The following FERMT2 variants were observed in gnomAD, a reference collection of about 807,000 sequenced individuals.
FERMT2 encodes fermitin family homolog 2.
A neutral mutation model predicts 82.7 loss-of-function variants in FERMT2; 15 were observed. That is an observed-to-expected ratio of 0.18 (90% CI 0.12 to 0.28). The LOEUF (loss-of-function observed/expected upper bound fraction) is 0.28. Ranked by LOEUF, FERMT2 falls within the 10% of genes least tolerant of loss-of-function variation. The probability of loss-of-function intolerance (pLI) is 1.00; values close to 1 mark genes in which losing one functional copy is unlikely to be tolerated. For missense variants in FERMT2, 645 were observed against 809.4 expected (o/e 0.80, Z 2.46); for synonymous variants, 274 against 271.5 (o/e 1.01, Z -0.09).
intron 10 of FERMT2, among the ~76,000 whole-genome samples, chr14:52,867,482 G>C (rs1272651926): frequency 6.8e-6 from 1 of 146,680 alleles, no homozygotes; most frequent in Non-Finnish European, 1.5e-5. Context: ...TTTTTTTTTT[G>C]TTTCCTTTGC....
chr14:52,896,196 G>A (rs537617966), intron 3 of FERMT2, among the ~76,000 whole-genome samples: 1 of 152,268 alleles, frequency 6.6e-6, no homozygotes, highest in South Asian at 2.1e-4. Flanking sequence ...CCAAAATATT[G>A]TTATGCAGCA....
chr14:52,866,488 A>T (rs560298074), intron 10 of FERMT2, among the ~76,000 whole-genome samples: 2 of 152,302 alleles, frequency 1.3e-5, no homozygotes, highest in East Asian at 3.9e-4. Flanking sequence ...CTGTCTTCAC[A>T]TTATACATTC....
At chr14:52,885,434 G>C (rs150038372) in intron 4 of FERMT2, among the ~76,000 whole-genome samples, 17 of 152,028 alleles carry the variant, frequency 1.1e-4, no homozygotes, top group Non-Finnish European at 2.4e-4. Context: ...CAGAGGGTAT[G>C]GGTATTTTAA....
chr14:52,948,834 C>T (rs1890481490), intron 2 of FERMT2, among the ~76,000 whole-genome samples: 1 of 152,138 alleles, frequency 6.6e-6, no homozygotes. Context: ...AAAAATATCT[C>T]CTATTGAGAC....
intron 10 of FERMT2, among the ~76,000 whole-genome samples, chr14:52,868,608 C>A (rs1885431767): frequency 6.6e-6 from 1 of 152,100 alleles, no homozygotes; most frequent in Non-Finnish European, 1.5e-5. Context: ...CATTTTAGAT[C>A]TCTATGAAGC....
chr14:52,906,026 A>T (rs780770876), intron 3 of FERMT2, among the ~76,000 whole-genome samples: 1 of 152,232 alleles, frequency 6.6e-6, no homozygotes, highest in Non-Finnish European at 1.5e-5. Flanking sequence ...ACTTTCAGAC[A>T]TTAGGCAACA....
At chr14:52,923,120 T>C (rs1277558611) in intron 2 of FERMT2, among the ~76,000 whole-genome samples, 2 of 152,166 alleles carry the variant, frequency 1.3e-5, no homozygotes, top group African/African-American at 4.8e-5. Context: ...ATTATTAATC[T>C]TATGGGACCA....
Position 52,864,919 on chromosome 14 carries a change from C to G in FERMT2, c.1274-66G>C, listed in dbSNP as rs878986886. The G allele has an allele frequency of 7.5e-5, 70 of 928,168 alleles. No homozygotes were observed. In the South Asian group the frequency reaches 9.5e-4, roughly 13 times the overall value. 57.5% of individuals were successfully genotyped at this position (928,168 alleles called of 1,614,324 possible). On this transcript the variant is annotated intron_variant, in intron 10 of 14. Transcript: ENST00000341590. ...TTAAGAAATCTCAAGTCAATACAAGCAGCCCTCATTCTGTGGCATCTTAAC... is the reference window on the plus strand; with the variant it reads ...TTAAGAAATCTCAAGTCAATACAAGGAGCCCTCATTCTGTGGCATCTTAAC...
chr14:52,893,299 C>T lies in FERMT2; in HGVS notation c.520G>A (p.Gly174Arg). Residue 174 changes from glycine to arginine, a missense_variant, in exon 4 of 15, where the codon GGA becomes AGA. Gly to Arg is a moderately radical substitution (Grantham distance 125, BLOSUM62 -2). Transcript: ENST00000341590. Reference protein sequence around the residue: ...LELEGPLITPGSGSIYSSPGL... With the variant: ...LELEGPLITPRSGSIYSSPGL... ...TGCTTGGTAAAAGTCTTACCTGATC[C>T]AGGAGTGATAAGAGGCCCCTCTAAT... 2 of 1,604,674 alleles carry T rather than the reference C, an allele frequency of 1.2e-6. No homozygotes were observed. The highest frequency in any genetic ancestry group is 1.7e-6 in the Non-Finnish European group (2 of 1,177,558).
chr14:52,933,666 C>T (rs917549485), intron 2 of FERMT2, among the ~76,000 whole-genome samples: 19 of 135,302 alleles, frequency 1.4e-4, no homozygotes, highest in Admixed American at 6.1e-4. Flanking sequence ...GCCGAGATCA[C>T]GCCATTGCAC....
chr14:52,880,959 A>T, intron 6 of FERMT2, 77 bp downstream of exon 6: 1 of 889,360 alleles, frequency 1.1e-6, no homozygotes, highest in Non-Finnish European at 1.7e-6. Flanking sequence ...TATTCCACCG[A>T]CTTCCAAAAA....
At chr14:52,887,117 C>T (rs1594950335) in intron 4 of FERMT2, among the ~76,000 whole-genome samples, 1 of 150,718 alleles carries the variant, frequency 6.6e-6, no homozygotes, top group East Asian at 1.9e-4. Flanking sequence ...TGTTTTGAGG[C>T]TAGGTGCAGT....
intron 3 of FERMT2, among the ~76,000 whole-genome samples, chr14:52,900,559 G>A (rs1315025612): frequency 6.6e-6 from 1 of 151,842 alleles, no homozygotes; most frequent in Non-Finnish European, 1.5e-5. Flanking sequence ...AAGAAAATAT[G>A]GGATAAGAAA....
At chr14:52,943,782 C>G (rs1413298787) in intron 2 of FERMT2, among the ~76,000 whole-genome samples, 1 of 152,194 alleles carries the variant, frequency 6.6e-6, no homozygotes, top group African/African-American at 2.4e-5. Flanking sequence ...GCAGTGTTCA[C>G]TCAATTACTC....
At chr14:52,892,631 G>C (rs1020947407) in intron 4 of FERMT2, among the ~76,000 whole-genome samples, 12 of 150,786 alleles carry the variant, frequency 8.0e-5, no homozygotes, top group Middle Eastern at 3.2e-3. Flanking sequence ...ATTTTTTTTG[G>C]TATTTTTAGT....
chr14:52,944,055 C>G (rs1370097722), intron 2 of FERMT2, among the ~76,000 whole-genome samples: 1 of 152,150 alleles, frequency 6.6e-6, no homozygotes, highest in Non-Finnish European at 1.5e-5. Context: ...AGCACATACT[C>G]TAAGGAATAG....
At chr14:52,861,008 ACTTACCAAATCT>A (rs1884893583) in intron 12 of FERMT2, 1 of 1,523,828 alleles carries the variant, frequency 6.6e-7, no homozygotes, top group Non-Finnish European at 8.8e-7. Context: ...AATATGGAGA[ACTTACCAAATCT>A]CTTATATAGC....
intron 14 of FERMT2, chr14:52,859,287 G>T: frequency 3.6e-6 from 1 of 281,680 alleles, no homozygotes; most frequent in Non-Finnish European, 6.6e-6. Context: ...CACAGGGTAG[G>T]CATTCAACAA....
intron 2 of FERMT2, chr14:52,928,008 C>G (rs1434905282): frequency 2.6e-6 from 1 of 385,192 alleles, no homozygotes; most frequent in African/African-American, 2.1e-5. Context: ...GAAAGTTGAT[C>G]AAATAACTTA....
Sources: gnomAD v4.1 joint callset for allele counts (sites outside exome capture counted in the v4.1 genomes callset) on GRCh38, gnomAD v4.1.1 for gene constraint, MANE v1.5 for transcripts, NCBI Gene and HGNC (gene_info 2026-07-23, HGNC 2026-07-21) for gene names.